TSHZ2: variants seen among roughly 807,000 people sequenced by gnomAD.
The protein encoded by TSHZ2 is teashirt homolog 2.
A neutral mutation model predicts 74.4 loss-of-function variants in TSHZ2; 21 were observed. That is an observed-to-expected ratio of 0.28 (90% confidence interval 0.20 to 0.41). TSHZ2 has a LOEUF of 0.41. Ranked by LOEUF, TSHZ2 falls within the 10% of genes least tolerant of loss-of-function variation. The probability of loss-of-function intolerance (pLI) is 1.00; values close to 1 mark genes in which losing one functional copy is unlikely to be tolerated. For synonymous variants in TSHZ2, 540 were observed against 515.3 expected (o/e 1.05, Z -0.65); for missense variants, 1,244 against 1,293.5 (o/e 0.96, Z 0.59).
chr20:53,411,687 G>A (rs1356889512), intron 2 of TSHZ2, among the ~76,000 whole-genome samples: 6 of 152,080 alleles, frequency 3.9e-5, no homozygotes, highest in Non-Finnish European at 8.8e-5. Flanking sequence ...AAATTGGACA[G>A]GTAGGTTGGC....
rs143724013 is a variant in TSHZ2 at position 53,469,045 on chromosome 20, T to TTATATATATATATATATATATATATA, written c.*9-18085_*9-18060dup. On this transcript the variant is annotated intron_variant, in intron 2 of 2. Transcript: ENST00000371497. ...ACCTAAAGGCTCTGAAATCGATATT[T>TTATATATATATATATATATATATATA]TATATATATATATATATATATATAT... 1.0e-4 allele frequency among the ~76,000 whole-genome samples: 5 copies of TTATATATATATATATATATATATATA among 49,126 alleles called. 1 individual carries two copies. The highest frequency in any genetic ancestry group is 6.9e-4 in the Admixed American group (2 of 2,884). The allele number at this position is 49,126 out of a possible 152,430, so 32.2% of individuals were successfully genotyped here. A position where few individuals can be genotyped will look rare whatever the true frequency, so the allele number is the denominator to read the frequency against.
At chr20:53,374,778 C>T (rs780018663) in intron 2 of TSHZ2, among the ~76,000 whole-genome samples, 4 of 151,958 alleles carry the variant, frequency 2.6e-5, no homozygotes, top group Non-Finnish European at 5.9e-5. Flanking sequence ...GCTTCTTGGC[C>T]ACATGTATGT....
chr20:53,159,983 G>A (rs961794995), intron 1 of TSHZ2, among the ~76,000 whole-genome samples: 10 of 152,290 alleles, frequency 6.6e-5, no homozygotes, highest in African/African-American at 1.9e-4. Flanking sequence ...TCCTGAGGAC[G>A]TTGTGTTTGA....
At position 53,480,077 on chromosome 20, in the gene TSHZ2, T is replaced by G. The variant is rs1324416374; in HGVS notation, c.*9-7067T>G. ...ACATAACCCAGGTTTTTGTTTTTTT[T>G]TTTTTTTTGAGATGGAGTTTCACTC... On this transcript the variant is annotated intron_variant, in intron 2 of 2. Coordinates refer to ENST00000371497, the MANE Select transcript of TSHZ2 (RefSeq NM_173485.6). Among the ~76,000 whole-genome samples, 4 of 151,112 alleles carry G rather than the reference T, an allele frequency of 2.6e-5. No homozygotes were observed. In the East Asian group the frequency reaches 5.8e-4, roughly 22 times the overall value.
At chr20:53,018,354 C>G (rs1950889) in intron 1 of TSHZ2, among the ~76,000 whole-genome samples, 1 of 151,980 alleles carries the variant, frequency 6.6e-6, no homozygotes, top group South Asian at 2.1e-4. Flanking sequence ...AACCATTACC[C>G]GTTTTCAGGG....
At chr20:53,122,065 T>C (rs1157850586) in intron 1 of TSHZ2, among the ~76,000 whole-genome samples, 2 of 152,072 alleles carry the variant, frequency 1.3e-5, no homozygotes, top group East Asian at 3.9e-4. Flanking sequence ...AGTGGGTAGA[T>C]GGGTTGAGCT....
intron 1 of TSHZ2, among the ~76,000 whole-genome samples, chr20:53,213,538 G>A (rs1053448639): frequency 6.6e-6 from 1 of 152,002 alleles, no homozygotes; most frequent in Non-Finnish European, 1.5e-5. Flanking sequence ...TCTATACCAT[G>A]GGTAAAGCGA....
intron 2 of TSHZ2, among the ~76,000 whole-genome samples, chr20:53,260,798 A>G (rs1990585953): frequency 6.6e-6 from 1 of 152,238 alleles, no homozygotes; most frequent in African/African-American, 2.4e-5. Context: ...AGCAAGTTCT[A>G]GGTAGAGCCA....
At chr20:53,276,288 G>A (rs1455316667) in intron 2 of TSHZ2, among the ~76,000 whole-genome samples, 1 of 150,118 alleles carries the variant, frequency 6.7e-6, no homozygotes, top group African/African-American at 2.5e-5. Flanking sequence ...AAACTTCCTT[G>A]GAAGTTGAGA....
At chr20:53,272,942 G>C (rs1020041420) in intron 2 of TSHZ2, among the ~76,000 whole-genome samples, 1 of 152,206 alleles carries the variant, frequency 6.6e-6, no homozygotes, top group Non-Finnish European at 1.5e-5. Context: ...AGGAAATATG[G>C]GGTAGTGCAA....
At chr20:53,260,718 A>G (rs1209828997) in intron 2 of TSHZ2, among the ~76,000 whole-genome samples, 2 of 152,216 alleles carry the variant, frequency 1.3e-5, no homozygotes, top group East Asian at 1.9e-4. Flanking sequence ...TAAGAATTAA[A>G]TGTATGTAAT....
chr20:53,402,907 A>T (rs1432533872), intron 2 of TSHZ2, among the ~76,000 whole-genome samples: 1 of 152,182 alleles, frequency 6.6e-6, no homozygotes, highest in Non-Finnish European at 1.5e-5. Context: ...CACACTGTTC[A>T]GCTCCCAGGG....
intron 2 of TSHZ2, among the ~76,000 whole-genome samples, chr20:53,473,186 G>A (rs142335750): frequency 0.16 from 22,033 of 136,984 alleles, 1,976 homozygotes; most frequent in East Asian, 0.24. Flanking sequence ...GCCTCTGTAG[G>A]CTCCACCTCT....
intron 2 of TSHZ2, among the ~76,000 whole-genome samples, chr20:53,288,406 G>A (rs1301320683): frequency 1.4e-4 from 11 of 78,192 alleles, no homozygotes; most frequent in South Asian, 4.2e-4. Context: ...GCAAGACTCC[G>A]TTTCAAAAAA....
At chr20:53,290,134 G>A (rs1991252679) in intron 2 of TSHZ2, among the ~76,000 whole-genome samples, 1 of 152,052 alleles carries the variant, frequency 6.6e-6, no homozygotes, top group Non-Finnish European at 1.5e-5. Flanking sequence ...TTCCTATGTG[G>A]AGTCAGTTGG....
chr20:53,183,332 G>T (rs531914870), intron 1 of TSHZ2, among the ~76,000 whole-genome samples: 78 of 152,308 alleles, frequency 5.1e-4, no homozygotes, highest in African/African-American at 1.8e-3. Flanking sequence ...TGGAGTCTAA[G>T]AATTTGGATG....
At chr20:53,116,401 AC>A (rs1221320391) in intron 1 of TSHZ2, among the ~76,000 whole-genome samples, 1 of 151,994 alleles carries the variant, frequency 6.6e-6, no homozygotes, top group African/African-American at 2.4e-5. Context: ...CCCACAGGCC[AC>A]CTCTCTGGGT....
chr20:53,460,182 T>G (rs1985294716), intron 2 of TSHZ2, among the ~76,000 whole-genome samples: 1 of 151,852 alleles, frequency 6.6e-6, no homozygotes, highest in Non-Finnish European at 1.5e-5. Context: ...TCCCCATCAC[T>G]TTCAGGTACA....
chr20:53,256,588 A>T lies in TSHZ2; in HGVS notation c.*8+17A>T, dbSNP rs781462626. ...GCTCTGCAGGTATGGGTTTGCTCTG[A>T]GGCATTGCGATTAGCCTGGTGAGGA... On this transcript the variant is annotated intron_variant, in intron 2 of 2. Transcript: ENST00000371497. This position sits in a 1 kb window ranked among gnomAD's most constrained non-coding sequence, Gnocchi z 4.3. The T allele has an allele frequency of 1.3e-6, 2 of 1,543,218 alleles. No individual in the cohort carries two copies. Among genetic ancestry groups the T allele is most frequent in the South Asian group, 2.5e-5 (2 of 78,642 alleles).
Sources: allele counts gnomAD v4.1 joint callset (sites outside exome capture counted in the v4.1 genomes callset), GRCh38; gene constraint gnomAD v4.1.1; non-coding constraint Gnocchi (gnomAD v3.1); transcripts MANE v1.5; gene names NCBI Gene and HGNC (gene_info 2026-07-23, HGNC 2026-07-21).